FIG4: variants seen among roughly 807,000 people sequenced by gnomAD.
FIG4 encodes the protein FIG4 phosphoinositide 5-phosphatase.
A neutral mutation model predicts 118.6 loss-of-function variants in FIG4; 112 were observed. That is an observed-to-expected ratio of 0.94 (90% CI 0.81 to 1.11). FIG4 has a LOEUF of 1.11. Among genes scored for constraint, FIG4 ranks in the 50% least tolerant of loss-of-function variants. The pLI, the probability that FIG4 is intolerant of heterozygous loss-of-function variation, is 0.00. For synonymous variants in FIG4, 369 were observed against 381.2 expected (o/e 0.97, Z 0.37); for missense variants, 969 against 1,111.7 (o/e 0.87, Z 1.83).
intron 3 of FIG4, among the ~76,000 whole-genome samples, chr6:109,720,547 A>G (rs1016667714): frequency 6.6e-6 from 1 of 152,206 alleles, no homozygotes; most frequent in Non-Finnish European, 1.5e-5. Context: ...CCTCCCTCAC[A>G]TATATCACAT....
At chr6:109,790,735 TA>T (rs1412149595) in intron 19 of FIG4, among the ~76,000 whole-genome samples, 1 of 152,190 alleles carries the variant, frequency 6.6e-6, no homozygotes, top group Non-Finnish European at 1.5e-5. Context: ...TTTCTGAATT[TA>T]AAAAACAGCA....
intron 13 of FIG4, among the ~76,000 whole-genome samples, 158 bp downstream of exon 13, chr6:109,764,140 A>T (rs189359822): frequency 9.3e-4 from 142 of 152,302 alleles, no homozygotes; most frequent in African/African-American, 3.4e-3. Context: ...TTTAATGCTT[A>T]TGAAAAATGT....
intron 6 of FIG4, 98 bp downstream of exon 6, chr6:109,735,396 T>G: frequency 8.3e-7 from 1 of 1,199,136 alleles, no homozygotes; most frequent in Non-Finnish European, 1.2e-6. Flanking sequence ...TGTCCATCCC[T>G]CTTTGCTGTT....
At chr6:109,809,120 TA>T (rs1219486336) in intron 22 of FIG4, among the ~76,000 whole-genome samples, 1 of 152,174 alleles carries the variant, frequency 6.6e-6, no homozygotes, top group East Asian at 1.9e-4. Flanking sequence ...TAGTATCAAA[TA>T]AAAATATTTG....
chr6:109,767,941 G>C (rs1777334164), intron 15 of FIG4, among the ~76,000 whole-genome samples: 1 of 152,182 alleles, frequency 6.6e-6, no homozygotes, highest in Admixed American at 6.5e-5. Context: ...AGTGAAAAGA[G>C]AGTGGGCTTC....
At chr6:109,750,857 C>T (rs1482225819) in intron 10 of FIG4, among the ~76,000 whole-genome samples, 2 of 152,054 alleles carry the variant, frequency 1.3e-5, no homozygotes, top group African/African-American at 4.8e-5. Flanking sequence ...TTGATATAAG[C>T]ATTTCAAAAA....
At chr6:109,796,379 C>T (rs1778287469) in intron 21 of FIG4, among the ~76,000 whole-genome samples, 1 of 152,160 alleles carries the variant, frequency 6.6e-6, no homozygotes, top group African/African-American at 2.4e-5. Context: ...TGCATGCTTC[C>T]CCCCATGCTT....
At position 109,726,414 on chromosome 6, in the gene FIG4, G is replaced by A. The variant is rs183656153; in HGVS notation, c.290-695G>A. The stretch of plus-strand genomic sequence containing the variant: ...TGTCAAAGATCAGATGGTTGTAGAT[G>A]TGTGGTGTTATTTCTGAGGCCTCTG... On this transcript the variant is annotated intron_variant, in intron 3 of 22. Transcript: ENST00000230124. Among the ~76,000 whole-genome samples, 93 of 152,232 alleles carry A rather than the reference G, an allele frequency of 6.1e-4. 1 individual carries two copies. The East Asian group carries it at 0.011, about 19-fold the overall frequency.
intron 21 of FIG4, among the ~76,000 whole-genome samples, chr6:109,796,221 G>A (rs1345088053): frequency 1.3e-5 from 2 of 152,228 alleles, no homozygotes; most frequent in Non-Finnish European, 2.9e-5. Flanking sequence ...CCTCTTTGAA[G>A]TGGCTAGAGT....
At chr6:109,777,316 G>A (rs1250787276) in intron 16 of FIG4, among the ~76,000 whole-genome samples, 2 of 152,190 alleles carry the variant, frequency 1.3e-5, no homozygotes, top group Non-Finnish European at 2.9e-5. Flanking sequence ...AAAGCAGTCA[G>A]TCTGGCCACA....
chr6:109,797,070 G>A (rs1778309250), intron 22 of FIG4, among the ~76,000 whole-genome samples: 1 of 152,126 alleles, frequency 6.6e-6, no homozygotes, highest in South Asian at 2.1e-4. Flanking sequence ...TTTGGAGGTG[G>A]GTTTGGCATT....
chr6:109,790,235 A>G (rs1026178714), intron 19 of FIG4, among the ~76,000 whole-genome samples: 7 of 152,194 alleles, frequency 4.6e-5, no homozygotes, highest in Non-Finnish European at 1.0e-4. Context: ...GATTTCTTCT[A>G]GACTCTGGCC....
rs762563945 is a variant in FIG4 at position 109,732,689 on chromosome 6, T to A, written c.497+2T>A. 1 of 1,534,222 alleles carries A rather than the reference T, an allele frequency of 6.5e-7. No individual in the cohort carries two copies. The highest frequency in any genetic ancestry group is 9.0e-7 in the Non-Finnish European group (1 of 1,114,718). ...CCTATCTAGCAATTTTTACTTTAGGTAAGTGTGAGGTTAGTTTTGCTCCTA... is the reference window on the plus strand; with the variant it reads ...CCTATCTAGCAATTTTTACTTTAGGAAAGTGTGAGGTTAGTTTTGCTCCTA... On this transcript the variant is annotated splice_donor_variant, in intron 5 of 22. Transcript: ENST00000230124. LOFTEE classifies it high-confidence loss of function.
chr6:109,714,796 A>G (rs1040156248), intron 1 of FIG4, among the ~76,000 whole-genome samples: 1 of 152,206 alleles, frequency 6.6e-6, no homozygotes, highest in Non-Finnish European at 1.5e-5. Context: ...CAGTTAGATT[A>G]ATCTCTAAAT....
chr6:109,799,287 C>A (rs1371535537), intron 22 of FIG4, among the ~76,000 whole-genome samples: 3 of 152,202 alleles, frequency 2.0e-5, no homozygotes, highest in African/African-American at 4.8e-5. Flanking sequence ...GCATCTTCAG[C>A]AAGATAACAA....
intron 22 of FIG4, among the ~76,000 whole-genome samples, chr6:109,812,959 A>C (rs1033263156): frequency 3.9e-5 from 6 of 152,146 alleles, no homozygotes; most frequent in Non-Finnish European, 8.8e-5. Context: ...TTGTATTCTT[A>C]TGTAAATCTA....
intron 19 of FIG4, among the ~76,000 whole-genome samples, 196 bp downstream of exon 19, chr6:109,789,873 G>A (rs897297294): frequency 6.6e-6 from 1 of 152,138 alleles, no homozygotes; most frequent in Non-Finnish European, 1.5e-5. Context: ...GTTTTAAATT[G>A]GGAATATAAC....
intron 16 of FIG4, among the ~76,000 whole-genome samples, chr6:109,778,723 C>T (rs777639358): frequency 5.9e-5 from 9 of 152,068 alleles, no homozygotes; most frequent in Non-Finnish European, 7.4e-5. Flanking sequence ...CTCGGCCTCC[C>T]GAGTAGCTGG....
intron 16 of FIG4, among the ~76,000 whole-genome samples, chr6:109,778,115 A>G (rs1320996494): frequency 1.3e-5 from 2 of 152,144 alleles, no homozygotes; most frequent in Non-Finnish European, 2.9e-5. Flanking sequence ...AAGTTCTCCC[A>G]TCGTGCTTTT....
Sources: allele counts gnomAD v4.1 joint callset (sites outside exome capture counted in the v4.1 genomes callset), GRCh38; gene constraint gnomAD v4.1.1; transcripts MANE v1.5; gene names NCBI Gene and HGNC (gene_info 2026-07-23, HGNC 2026-07-21).